The following ASTN1 variants were observed in gnomAD, a reference collection of about 807,000 sequenced individuals.
ASTN1 encodes the protein astrotactin-1.
A neutral mutation model predicts 140.7 loss-of-function variants in ASTN1; 41 were observed. The ratio of observed to expected loss-of-function variants is 0.29; its 90% CI spans 0.23 to 0.38. The LOEUF (loss-of-function observed/expected upper bound fraction) is 0.38, where lower values mean the gene tolerates loss of function less well. ASTN1 is among the 10% of genes least tolerant of loss of function. The pLI, the probability that ASTN1 is intolerant of heterozygous loss-of-function variation, is 1.00. For missense variants in ASTN1, 1,479 were observed against 1,678.8 expected, an observed-to-expected ratio of 0.88 and a Z score of 2.08; for synonymous variants, 640 against 652.2, an observed-to-expected ratio of 0.98 and a Z score of 0.29.
At chr1:176,857,448 A>C, downstream of ASTN1, 2 of 406,126 alleles carry the variant, frequency 4.9e-6, no homozygotes, top group Non-Finnish European at 4.4e-6. Flanking sequence ...AAGGACAAAT[A>C]GGAGCAACCT....
intron 1 of ASTN1, among the ~76,000 whole-genome samples, chr1:177,123,749 A>T (rs1013191586): frequency 2.0e-5 from 3 of 152,082 alleles, no homozygotes; most frequent in Admixed American, 6.5e-5. Flanking sequence ...CCTCTTTCCC[A>T]CCCTGGCTCT....
intron 17 of ASTN1, among the ~76,000 whole-genome samples, chr1:176,889,214 C>T (rs887010076): frequency 2.1e-4 from 32 of 152,344 alleles, no homozygotes; most frequent in African/African-American, 7.2e-4. Context: ...TGATGGAGTA[C>T]TGACCCTTCA....
intron 8 of ASTN1, among the ~76,000 whole-genome samples, chr1:177,002,063 A>C (rs1000783204): frequency 6.6e-6 from 1 of 152,096 alleles, no homozygotes; most frequent in African/African-American, 2.4e-5. Flanking sequence ...CTATTTACAG[A>C]CCCACAGAAG....
chr1:176,878,375 C>T (rs1288798996), intron 20 of ASTN1, among the ~76,000 whole-genome samples: 1 of 151,970 alleles, frequency 6.6e-6, no homozygotes, highest in Non-Finnish European at 1.5e-5. Flanking sequence ...CCAGCCTGAC[C>T]CTGATTCCAA....
At chr1:176,902,473 T>C (rs1174961971) in intron 16 of ASTN1, among the ~76,000 whole-genome samples, 1 of 152,202 alleles carries the variant, frequency 6.6e-6, no homozygotes, top group East Asian at 1.9e-4. Context: ...AATAGGCATG[T>C]TGTCAAACAA....
intron 1 of ASTN1, among the ~76,000 whole-genome samples, chr1:177,099,289 C>G (rs577084097): frequency 6.6e-6 from 1 of 152,142 alleles, no homozygotes; most frequent in Middle Eastern, 3.4e-3. Context: ...CTGGCAAAAA[C>G]AAATACATCA....
rs187909521 is a variant in ASTN1, at chr1:176,992,211, G to A, written c.1523+22580C>T. Among the ~76,000 whole-genome samples, 35 of 152,164 alleles carry A rather than the reference G, an allele frequency of 2.3e-4. No homozygotes were observed. In the East Asian group the frequency reaches 6.6e-3, roughly 29 times the overall value. On this transcript the variant is annotated intron_variant, in intron 8 of 22. Transcript: ENST00000361833. ...AAATAAAGTGTAAGTAAAGTTCTTGGTAAGCAAAAAGCAGGGACCCAACAA... is the reference window on the plus strand; with the variant it reads ...AAATAAAGTGTAAGTAAAGTTCTTGATAAGCAAAAAGCAGGGACCCAACAA...
At chr1:177,021,416 C>A (rs1196394019) in intron 7 of ASTN1, among the ~76,000 whole-genome samples, 1 of 152,166 alleles carries the variant, frequency 6.6e-6, no homozygotes, top group African/African-American at 2.4e-5. Flanking sequence ...AGCTTCCTGG[C>A]ACATGGAACA....
At chr1:177,147,386 G>A (rs1223024986) in intron 1 of ASTN1, among the ~76,000 whole-genome samples, 4 of 152,116 alleles carry the variant, frequency 2.6e-5, no homozygotes, top group Admixed American at 2.6e-4. Flanking sequence ...AGAATCTGTG[G>A]ACACAGATAA....
intron 12 of ASTN1, among the ~76,000 whole-genome samples, chr1:176,948,140 T>C (rs1450305825): frequency 2.0e-5 from 3 of 152,230 alleles, no homozygotes; most frequent in Non-Finnish European, 4.4e-5. Context: ...CCTAGTTTTA[T>C]GACTATAAAC....
At chr1:176,908,254 A>G (rs1330858829) in intron 16 of ASTN1, among the ~76,000 whole-genome samples, 1 of 152,182 alleles carries the variant, frequency 6.6e-6, no homozygotes, top group Non-Finnish European at 1.5e-5. Context: ...CCAGGCAGAC[A>G]TACAGACCTG....
At chr1:176,917,380 G>C (rs147345841) in intron 16 of ASTN1, among the ~76,000 whole-genome samples, 1 of 152,128 alleles carries the variant, frequency 6.6e-6, no homozygotes, top group Non-Finnish European at 1.5e-5. Flanking sequence ...ATTTTCTTTC[G>C]TTTGCTGTCA....
At chr1:176,901,777 G>A (rs1557946660) in intron 16 of ASTN1, among the ~76,000 whole-genome samples, 1 of 151,576 alleles carries the variant, frequency 6.6e-6, no homozygotes, top group African/African-American at 2.4e-5. Context: ...ACCTTTCTTT[G>A]GGATTAAATA....
chr1:176,938,299 G>A (rs1671535768), intron 14 of ASTN1, among the ~76,000 whole-genome samples: 1 of 152,200 alleles, frequency 6.6e-6, no homozygotes, highest in African/African-American at 2.4e-5. Flanking sequence ...GTGCATCTAT[G>A]TAGAACTATT....
rs1027631551 is a variant in ASTN1 at position 176,861,465 on chromosome 1, G to A, written c.*2819C>T. On this transcript the variant is annotated 3_prime_UTR_variant, in exon 23 of 23. Coordinates refer to ENST00000361833, the MANE Select transcript of ASTN1 (RefSeq NM_004319.3). ...GCTTGAAAACTCAAGGTTGAATACCGGTCCAGTACCATCACCCTTTCTAGC... is the reference window on the plus strand; with the variant it reads ...GCTTGAAAACTCAAGGTTGAATACCAGTCCAGTACCATCACCCTTTCTAGC... The A allele has an allele frequency of 2.7e-5, 27 of 985,652 alleles. No individual in the cohort carries two copies. Among genetic ancestry groups the A allele is most frequent in the South Asian group, 4.7e-5 (1 of 21,288 alleles). The allele number at this position is 985,652 out of a possible 1,614,324, so 61.1% of individuals were successfully genotyped here.
chr1:176,966,751 T>C (rs1672908018), intron 8 of ASTN1, among the ~76,000 whole-genome samples: 1 of 151,846 alleles, frequency 6.6e-6, no homozygotes, highest in Admixed American at 6.6e-5. Flanking sequence ...CAAATGTCTA[T>C]AAAATTTATT....
intron 8 of ASTN1, among the ~76,000 whole-genome samples, chr1:176,966,771 A>G (rs560474004): frequency 6.6e-6 from 1 of 151,826 alleles, no homozygotes; most frequent in African/African-American, 2.4e-5. Context: ...TATTTATTTT[A>G]TTGTAATGGA....
At chr1:176,889,802 C>T (rs1258347809) in intron 17 of ASTN1, among the ~76,000 whole-genome samples, 1 of 152,210 alleles carries the variant, frequency 6.6e-6, no homozygotes, top group Admixed American at 6.5e-5. Flanking sequence ...GATGAGGTGA[C>T]TTGCCCAGGG....
At chr1:176,967,458 T>G (rs1320933921) in intron 8 of ASTN1, among the ~76,000 whole-genome samples, 1 of 152,192 alleles carries the variant, frequency 6.6e-6, no homozygotes, top group Non-Finnish European at 1.5e-5. Context: ...GCAATTTTAT[T>G]TATCTCTATT....
Sources: gnomAD v4.1 joint callset for allele counts (sites outside exome capture counted in the v4.1 genomes callset) on GRCh38, gnomAD v4.1.1 for gene constraint, MANE v1.5 for transcripts, NCBI Gene and HGNC (gene_info 2026-07-23, HGNC 2026-07-21) for gene names.